Variants in WWOX observed in about 807,000 individuals in gnomAD.
The protein encoded by WWOX is WW domain containing oxidoreductase.
In WWOX, 69 loss-of-function variants were observed where a neutral mutation model predicts 46.2. The ratio of observed to expected loss-of-function variants is 1.49; its 90% CI spans 1.23 to 1.82. The LOEUF (loss-of-function observed/expected upper bound fraction) is 1.82. WWOX is among the 40% of genes most tolerant of loss of function. WWOX has a pLI of 0.00. For synonymous variants in WWOX, 359 were observed against 202.6 expected, an observed-to-expected ratio of 1.77 and a Z score of -6.56; for missense variants, 919 against 542.6, an observed-to-expected ratio of 1.69 and a Z score of -6.89.
chr16:79,033,323 G>T (rs1293084039), intron 8 of WWOX, among the ~76,000 whole-genome samples: 1 of 147,180 alleles, frequency 6.8e-6, no homozygotes, highest in African/African-American at 2.5e-5. Flanking sequence ...TGTATAGAGA[G>T]TCTATTATAT....
At chr16:78,403,531 CTTTG>C (rs368498458) in intron 6 of WWOX, among the ~76,000 whole-genome samples, 3 of 152,086 alleles carry the variant, frequency 2.0e-5, no homozygotes, top group Non-Finnish European at 4.4e-5. Context: ...CAGGAAGGCT[CTTTG>C]TTTATTGCCT....
intron 8 of WWOX, among the ~76,000 whole-genome samples, chr16:78,982,745 C>G (rs1330425190): frequency 1.3e-5 from 2 of 152,140 alleles, no homozygotes; most frequent in Non-Finnish European, 2.9e-5. Flanking sequence ...TCCTGCAAAC[C>G]CTCGAGAAGT....
intron 8 of WWOX, among the ~76,000 whole-genome samples, chr16:78,789,312 G>T (rs60091668): frequency 6.6e-6 from 1 of 151,900 alleles, no homozygotes; most frequent in African/African-American, 2.4e-5. Flanking sequence ...TCCATTTTAC[G>T]TCAATTTTTC....
chr16:78,689,911 A>C (rs2047947025), intron 8 of WWOX, among the ~76,000 whole-genome samples: 1 of 152,070 alleles, frequency 6.6e-6, no homozygotes. Context: ...CCCAGGCTGC[A>C]GTGCAGTGAT....
chr16:78,960,350 G>T (rs750440039), intron 8 of WWOX, among the ~76,000 whole-genome samples: 1 of 152,190 alleles, frequency 6.6e-6, no homozygotes, highest in African/African-American at 2.4e-5. Flanking sequence ...AACTAAGTCC[G>T]TGTTTGTTGC....
At position 78,133,258 on chromosome 16, in the gene WWOX, A is replaced by G. The variant is rs931305674; in HGVS notation, c.409+18104A>G. On this transcript the variant is annotated intron_variant, in intron 4 of 8. Transcript: ENST00000566780. ...AGAAGTACCTGAAAGTGAAAATTTT[A>G]TTTATTTTTACTTTTTTTGAAAGAT... Among the ~76,000 whole-genome samples the G allele has an allele frequency of 6.6e-5, 10 of 152,206 alleles. 1 individual carries two copies. Among genetic ancestry groups the G allele is most frequent in the Non-Finnish European group, 1.2e-4 (8 of 67,992 alleles).
chr16:78,955,050 C>T (rs2046137198), intron 8 of WWOX, among the ~76,000 whole-genome samples: 1 of 152,132 alleles, frequency 6.6e-6, no homozygotes, highest in African/African-American at 2.4e-5. Context: ...TTGTCCCCCA[C>T]AAAGTATTGG....
intron 8 of WWOX, among the ~76,000 whole-genome samples, chr16:79,171,218 T>G (rs1210218206): frequency 6.6e-6 from 1 of 152,112 alleles, no homozygotes; most frequent in Non-Finnish European, 1.5e-5. Flanking sequence ...CCGGGGAAAA[T>G]GTAGACGAGG....
At chr16:78,294,866 T>G (rs537634119) in intron 5 of WWOX, among the ~76,000 whole-genome samples, 1 of 152,234 alleles carries the variant, frequency 6.6e-6, no homozygotes, top group East Asian at 1.9e-4. Context: ...AATGAACAAA[T>G]GAATGAATGA....
chr16:78,843,907 C>T (rs1297998782), intron 8 of WWOX, among the ~76,000 whole-genome samples: 1 of 152,110 alleles, frequency 6.6e-6, no homozygotes, highest in Non-Finnish European at 1.5e-5. Flanking sequence ...TTTCAGCTGT[C>T]CACTCGGTTC....
At chr16:78,926,426 T>C (rs11645638) in intron 8 of WWOX, among the ~76,000 whole-genome samples, 79,482 of 151,802 alleles carry the variant, frequency 0.52, 21,882 homozygotes, top group East Asian at 0.79. Flanking sequence ...GCAATTTGAA[T>C]GTAACTGTCT....
At chr16:78,981,325 G>T (rs111889369) in intron 8 of WWOX, among the ~76,000 whole-genome samples, 56 of 151,408 alleles carry the variant, frequency 3.7e-4, no homozygotes, top group East Asian at 1.4e-3. Context: ...AATGCTGGGT[G>T]GGGGGGGAAA....
At chr16:78,651,640 A>G (rs970285432) in intron 8 of WWOX, among the ~76,000 whole-genome samples, 3 of 152,178 alleles carry the variant, frequency 2.0e-5, no homozygotes, top group African/African-American at 7.2e-5. Context: ...GACCCAGCTC[A>G]TGTCCCCAGG....
At chr16:78,868,302 A>G (rs922018066) in intron 8 of WWOX, among the ~76,000 whole-genome samples, 37 of 152,152 alleles carry the variant, frequency 2.4e-4, no homozygotes, top group Non-Finnish European at 3.2e-4. Flanking sequence ...ATATGATGAC[A>G]TTTATATGAA....
At chr16:78,131,463 C>T (rs534573378) in intron 4 of WWOX, among the ~76,000 whole-genome samples, 2 of 152,336 alleles carry the variant, frequency 1.3e-5, no homozygotes, top group South Asian at 4.1e-4. Flanking sequence ...AGTACACTTG[C>T]CTCAGCCTCC....
At chr16:78,561,712 T>C (rs143996628) in intron 8 of WWOX, among the ~76,000 whole-genome samples, 1 of 152,134 alleles carries the variant, frequency 6.6e-6, no homozygotes, top group African/African-American at 2.4e-5. Flanking sequence ...GGATGTTAGG[T>C]AGAGCGCCTT....
intron 5 of WWOX, among the ~76,000 whole-genome samples, chr16:78,246,105 T>G (rs2037807192): frequency 6.6e-6 from 1 of 152,202 alleles, no homozygotes; most frequent in South Asian, 2.1e-4. Flanking sequence ...CACCCCTTTC[T>G]TTATCATGGC....
At chr16:78,464,310 GAGGAA>G (rs1567588586) in intron 8 of WWOX, among the ~76,000 whole-genome samples, 15 of 151,746 alleles carry the variant, frequency 9.9e-5, no homozygotes, top group African/African-American at 3.6e-4. Context: ...GAAGGAAAGA[GAGGAA>G]AGAGGGGAAG....
At chr16:78,681,670 A>T (rs1215414093) in intron 8 of WWOX, among the ~76,000 whole-genome samples, 1 of 152,158 alleles carries the variant, frequency 6.6e-6, no homozygotes, top group African/African-American at 2.4e-5. Context: ...ATCCTGAATT[A>T]CAGGTGTTAA....
Sources: allele counts gnomAD v4.1 joint callset (sites outside exome capture counted in the v4.1 genomes callset), GRCh38; gene constraint gnomAD v4.1.1; transcripts MANE v1.5; gene names NCBI Gene and HGNC (gene_info 2026-07-23, HGNC 2026-07-21).